Variants in COMMD1 observed in about 807,000 individuals in gnomAD.
The protein encoded by COMMD1 is copper metabolism domain containing 1.
Under a neutral mutation model 17.2 loss-of-function variants are expected in COMMD1, and 10 were observed. The observed-to-expected ratio is 0.58, with a 90% CI of 0.36 to 0.99. COMMD1 has a LOEUF of 0.99. COMMD1 is among the 50% of genes least tolerant of loss of function. The pLI is 0.01. For synonymous variants in COMMD1, 97 were observed against 91.6 expected, an observed-to-expected ratio of 1.06 and a Z score of -0.34; for missense variants, 270 against 231.8, an observed-to-expected ratio of 1.17 and a Z score of -1.07.
intron 2 of COMMD1, among the ~76,000 whole-genome samples, chr2:62,057,052 G>A (rs1263987575): frequency 1.3e-5 from 2 of 152,102 alleles, no homozygotes; most frequent in Non-Finnish European, 2.9e-5. Context: ...AACACACTTC[G>A]AGTATCACTG....
At chr2:61,889,257 A>C (rs1669354958) in intron 1 of COMMD1, among the ~76,000 whole-genome samples, 1 of 112,276 alleles carries the variant, frequency 8.9e-6, no homozygotes. Flanking sequence ...TCCAGGCGGG[A>C]GTGCAGTGGG....
At chr2:61,888,879 G>A (rs951196189) in intron 1 of COMMD1, 1 of 234,188 alleles carries the variant, frequency 4.3e-6, no homozygotes, top group East Asian at 9.1e-5. Flanking sequence ...CACCTTGCAC[G>A]GCTATGAGGT....
chr2:62,053,996 G>A (rs186569148), intron 2 of COMMD1, among the ~76,000 whole-genome samples: 1 of 152,164 alleles, frequency 6.6e-6, no homozygotes, highest in African/African-American at 2.4e-5. Flanking sequence ...AACTTAAACA[G>A]CTCAACAACA....
chr2:61,999,517 C>G (rs1411340002), intron 1 of COMMD1, among the ~76,000 whole-genome samples: 1 of 152,142 alleles, frequency 6.6e-6, no homozygotes, highest in Non-Finnish European at 1.5e-5. Context: ...TATATCAAAC[C>G]AAGCCTGGCT....
chr2:61,982,329 G>T (rs750029528), intron 1 of COMMD1, among the ~76,000 whole-genome samples: 2 of 151,958 alleles, frequency 1.3e-5, no homozygotes, highest in African/African-American at 2.4e-5. Context: ...GCTGATTTTC[G>T]TATGTTAATT....
intron 1 of COMMD1, among the ~76,000 whole-genome samples, chr2:61,981,978 A>G (rs1002867747): frequency 6.6e-6 from 1 of 152,198 alleles, no homozygotes; most frequent in East Asian, 1.9e-4. Context: ...TGGGTCTTTT[A>G]TGGTTCATTA....
chr2:62,055,852 TAGAG>T (rs1217762602), intron 2 of COMMD1, among the ~76,000 whole-genome samples: 15 of 152,318 alleles, frequency 9.8e-5, no homozygotes, highest in African/African-American at 2.4e-4. Context: ...GCACAATTGA[TAGAG>T]AGCATTAATG....
chr2:62,046,213 G>A (rs956111248), intron 2 of COMMD1, among the ~76,000 whole-genome samples: 4 of 152,184 alleles, frequency 2.6e-5, no homozygotes. Flanking sequence ...TAAAGAAATC[G>A]AGTCCTGGTT....
intron 1 of COMMD1, among the ~76,000 whole-genome samples, chr2:61,987,568 G>A (rs529705743): frequency 1.3e-5 from 2 of 152,292 alleles, no homozygotes; most frequent in African/African-American, 4.8e-5. Flanking sequence ...ACTACCTGGA[G>A]CTGAGGGACG....
chr2:62,088,705 T>C (rs749410702), intron 2 of COMMD1, among the ~76,000 whole-genome samples: 6 of 152,238 alleles, frequency 3.9e-5, no homozygotes, highest in Non-Finnish European at 8.8e-5. Context: ...TTGACAACTC[T>C]TTAATGATGT....
At chr2:61,992,344 T>C (rs928156897) in intron 1 of COMMD1, among the ~76,000 whole-genome samples, 12 of 152,238 alleles carry the variant, frequency 7.9e-5, no homozygotes, top group African/African-American at 2.9e-4. Context: ...TACTTTTTTA[T>C]GTAAAACAAA....
intron 2 of COMMD1, among the ~76,000 whole-genome samples, chr2:62,018,965 C>T (rs1470001974): frequency 2.0e-5 from 3 of 151,938 alleles, no homozygotes; most frequent in Admixed American, 6.6e-5. Context: ...AGCACTGTGT[C>T]CTCACATGGT....
chr2:62,085,171 C>CTT (rs950866869), intron 2 of COMMD1, among the ~76,000 whole-genome samples: 2 of 151,730 alleles, frequency 1.3e-5, no homozygotes, highest in Non-Finnish European at 2.9e-5. Context: ...TTCTAACTCT[C>CTT]TTAAGTCCAC....
At chr2:62,008,942 C>G (rs557266931) in intron 2 of COMMD1, among the ~76,000 whole-genome samples, 2 of 152,170 alleles carry the variant, frequency 1.3e-5, no homozygotes, top group Admixed American at 1.3e-4. Flanking sequence ...CACCACCACT[C>G]CTGGCTAATT....
rs113752125 is a variant in COMMD1, at chr2:61,894,449, G to GA, written n.119+5619dup. ...TTTATACACATCCTGCTGGAAGAATGAAAAAAAAAAAATATTAATCAAGTT... is the reference window on the plus strand; with the variant it reads ...TTTATACACATCCTGCTGGAAGAATGAAAAAAAAAAAAATATTAATCAAGTT... On this transcript the variant is annotated intron_variant and non_coding_transcript_variant, in intron 1 of 2. Transcript: ENST00000472729. Among the ~76,000 whole-genome samples the GA allele has an allele frequency of 6.4e-3, 911 of 141,604 alleles. 9 individuals are homozygous for GA. The highest frequency in any genetic ancestry group is 0.019 in the African/African-American group (731 of 38,728). The allele number at this position is 141,604 out of a possible 152,430, so 92.9% of individuals were successfully genotyped here.
Position 62,059,324 on chromosome 2 carries a change from T to A in COMMD1, c.462+58342T>A, listed in dbSNP as rs1410991175. On this transcript the variant is annotated intron_variant, in intron 2 of 2. Transcript: ENST00000311832. ...TGCAAGCCATGGCACCTGGCTAATT[T>A]AAAAAAAAATTTTTTTGTTTTTTGT... Among the ~76,000 whole-genome samples the A allele has an allele frequency of 2.5e-4, 38 of 151,328 alleles. No homozygotes were observed. The East Asian group carries it at 5.5e-3, about 22-fold the overall frequency.
At chr2:61,950,316 C>A (rs1288734680) in intron 1 of COMMD1, among the ~76,000 whole-genome samples, 1 of 152,222 alleles carries the variant, frequency 6.6e-6, no homozygotes, top group Admixed American at 6.5e-5. Context: ...ACTTTCCCTC[C>A]TCCAACCTGG....
Position 61,991,254 on chromosome 2 carries a change from A to C in COMMD1, c.181-9447A>C, listed in dbSNP as rs147800802. Among the ~76,000 whole-genome samples the C allele has an allele frequency of 5.4e-3, 821 of 152,256 alleles. 10 individuals carry two copies. The highest frequency in any genetic ancestry group is 0.018 in the African/African-American group (735 of 41,548). The stretch of plus-strand genomic sequence containing the variant: ...AAATCAGCACCCTGAATTATTTTCT[A>C]CTCTTATCTTAAAGAAGTTTATGGT... On this transcript the variant is annotated intron_variant, in intron 1 of 2. Coordinates refer to ENST00000311832, the MANE Select transcript of COMMD1 (RefSeq NM_152516.4).
intron 2 of COMMD1, among the ~76,000 whole-genome samples, chr2:62,115,766 C>T (rs749361913): frequency 2.0e-5 from 3 of 149,760 alleles, no homozygotes; most frequent in Non-Finnish European, 4.4e-5. Flanking sequence ...AAAATGTAAA[C>T]AATGGAACAA....
Sources: gnomAD v4.1 joint callset for allele counts (sites outside exome capture counted in the v4.1 genomes callset) on GRCh38, gnomAD v4.1.1 for gene constraint, MANE v1.5 for transcripts, NCBI Gene and HGNC (gene_info 2026-07-23, HGNC 2026-07-21) for gene names.